Variants in CDH18 observed in about 807,000 individuals in gnomAD.
CDH18 encodes cadherin 18.
Under a neutral mutation model 67.9 loss-of-function variants are expected in CDH18, and 31 were observed. The observed-to-expected ratio is 0.46, with a 90% confidence interval of 0.34 to 0.62. The LOEUF (loss-of-function observed/expected upper bound fraction) is 0.62, where lower values mean the gene tolerates loss of function less well. Among genes scored for constraint, CDH18 ranks in the 20% least tolerant of loss-of-function variants. The pLI, the probability that CDH18 is intolerant of heterozygous loss-of-function variation, is 0.01. For missense variants in CDH18, 890 were observed against 975.5 expected (o/e 0.91, Z 1.17); for synonymous variants, 362 against 347.2 (o/e 1.04, Z -0.48).
At chr5:20,203,652 A>C (rs1739638812) in intron 2 of CDH18, among the ~76,000 whole-genome samples, 1 of 151,990 alleles carries the variant, frequency 6.6e-6, no homozygotes, top group Non-Finnish European at 1.5e-5. Context: ...TACAATAAAA[A>C]AAAAAAGCCA....
At chr5:20,517,229 T>C (rs1483877662) in intron 1 of CDH18, among the ~76,000 whole-genome samples, 1 of 151,752 alleles carries the variant, frequency 6.6e-6, no homozygotes, top group Non-Finnish European at 1.5e-5. Context: ...AAATTTTAAA[T>C]CATGAATAGA....
At chr5:20,074,761 T>C (rs1361330885) in intron 2 of CDH18, among the ~76,000 whole-genome samples, 1 of 151,852 alleles carries the variant, frequency 6.6e-6, no homozygotes, top group Non-Finnish European at 1.5e-5. Context: ...ATTAAGGTTG[T>C]TAATTTCCTA....
At chr5:20,043,355 C>T (rs1010280134) in intron 2 of CDH18, among the ~76,000 whole-genome samples, 2 of 152,134 alleles carry the variant, frequency 1.3e-5, no homozygotes, top group Non-Finnish European at 2.9e-5. Flanking sequence ...TAATTTAACT[C>T]TCCTTTCTTT....
intron 2 of CDH18, among the ~76,000 whole-genome samples, chr5:20,190,897 G>A (rs1034209823): frequency 2.0e-5 from 3 of 151,944 alleles, no homozygotes; most frequent in Admixed American, 2.0e-4. Context: ...AATCCTTTAT[G>A]ATCTAAGAGA....
Position 19,843,719 on chromosome 5 carries a change from G to A in CDH18, c.-256-4477C>T, listed in dbSNP as rs908344136. On this transcript the variant is annotated intron_variant, in intron 2 of 12. Coordinates refer to ENST00000382275, the MANE Select transcript of CDH18 (RefSeq NM_004934.5). The stretch of plus-strand genomic sequence containing the variant: ...ACACTCAATGCCAGCTGTGAAAGCA[G>A]CCAGAGCAGGGGCTTGTATCCTAAA... 6.8e-4 allele frequency among the ~76,000 whole-genome samples: 104 copies of A among 152,224 alleles called. 1 individual carries two copies. Among genetic ancestry groups the A allele is most frequent in the Admixed American group, 2.6e-4 (4 of 15,280 alleles).
intron 2 of CDH18, among the ~76,000 whole-genome samples, chr5:19,960,557 G>C (rs10062919): frequency 1.1e-5 from 1 of 89,744 alleles, no homozygotes; most frequent in African/African-American, 5.2e-5. Flanking sequence ...GTGTGTGTGT[G>C]TGTATGTGTG....
intron 5 of CDH18, among the ~76,000 whole-genome samples, chr5:19,712,399 T>C (rs1764812145): frequency 6.6e-6 from 1 of 151,964 alleles, no homozygotes; most frequent in Non-Finnish European, 1.5e-5. Flanking sequence ...TTGAAGCCCT[T>C]ATAGAGCTCT....
chr5:19,781,919 A>T (rs1443914086), intron 3 of CDH18, among the ~76,000 whole-genome samples: 2 of 152,196 alleles, frequency 1.3e-5, no homozygotes, highest in African/African-American at 4.8e-5. Context: ...TATTTCTATT[A>T]TCCAGTAAAT....
intron 2 of CDH18, among the ~76,000 whole-genome samples, chr5:19,880,265 A>G (rs1787495219): frequency 6.6e-6 from 1 of 152,068 alleles, no homozygotes. Flanking sequence ...CCACAAGCAG[A>G]GGCCTAGCTA....
At chr5:20,135,532 C>T (rs1415665858) in intron 2 of CDH18, among the ~76,000 whole-genome samples, 1 of 151,718 alleles carries the variant, frequency 6.6e-6, no homozygotes, top group African/African-American at 2.4e-5. Context: ...TGATCTTTTC[C>T]AAAAAACCAG....
intron 1 of CDH18, among the ~76,000 whole-genome samples, chr5:20,279,482 T>G (rs1442224059): frequency 6.6e-6 from 1 of 151,846 alleles, no homozygotes; most frequent in Non-Finnish European, 1.5e-5. Context: ...GTGGATCACC[T>G]GAGGACAGGG....
chr5:20,318,150 T>C (rs928365717), intron 1 of CDH18, among the ~76,000 whole-genome samples: 12 of 152,278 alleles, frequency 7.9e-5, no homozygotes, highest in South Asian at 4.1e-4. Flanking sequence ...TATGGACCTC[T>C]GGGAAATGCT....
intron 3 of CDH18, among the ~76,000 whole-genome samples, chr5:19,821,169 C>T (rs891401478): frequency 2.0e-5 from 3 of 152,082 alleles, no homozygotes; most frequent in South Asian, 2.1e-4. Flanking sequence ...TCAACAAGAT[C>T]CAAGAGAAAG....
chr5:19,712,764 TA>T (rs1764868941), intron 5 of CDH18, among the ~76,000 whole-genome samples: 2 of 151,206 alleles, frequency 1.3e-5, no homozygotes, highest in South Asian at 4.2e-4. Flanking sequence ...TATATAGTGG[TA>T]AAAATTGTGG....
At chr5:19,620,180 G>A (rs1236181531) in intron 5 of CDH18, among the ~76,000 whole-genome samples, 1 of 152,186 alleles carries the variant, frequency 6.6e-6, no homozygotes, top group Non-Finnish European at 1.5e-5. Flanking sequence ...TTCCTACCAT[G>A]AAAATTGATG....
At chr5:20,285,608 G>A (rs2940447) in intron 1 of CDH18, among the ~76,000 whole-genome samples, 17,675 of 151,202 alleles carry the variant, frequency 0.12, 1,572 homozygotes, top group African/African-American at 0.24. Flanking sequence ...TAAATGAACA[G>A]GTATGCATAT....
At chr5:19,796,710 T>A (rs1452921062) in intron 3 of CDH18, among the ~76,000 whole-genome samples, 1 of 152,024 alleles carries the variant, frequency 6.6e-6, no homozygotes, top group African/African-American at 2.4e-5. Flanking sequence ...CATATTTAAA[T>A]ATTGAAACAA....
chr5:19,795,239 G>A (rs1377719509), intron 3 of CDH18, among the ~76,000 whole-genome samples: 2 of 151,964 alleles, frequency 1.3e-5, no homozygotes, highest in African/African-American at 2.4e-5. Context: ...AACTACTGAG[G>A]CAGGTTGTCT....
At chr5:20,118,176 T>G (rs1748075997) in intron 2 of CDH18, among the ~76,000 whole-genome samples, 1 of 152,158 alleles carries the variant, frequency 6.6e-6, no homozygotes, top group African/African-American at 2.4e-5. Flanking sequence ...TATAGAAAAC[T>G]TTTGCAAGTT....
Sources: allele counts gnomAD v4.1 joint callset (sites outside exome capture counted in the v4.1 genomes callset), GRCh38; gene constraint gnomAD v4.1.1; transcripts MANE v1.5; gene names NCBI Gene and HGNC (gene_info 2026-07-23, HGNC 2026-07-21).